Variants in OSBPL10 observed in about 807,000 individuals in gnomAD.
OSBPL10 encodes oxysterol binding protein like 10.
Under a neutral mutation model 81.7 loss-of-function variants are expected in OSBPL10, and 49 were observed. The observed-to-expected ratio is 0.60, with a 90% CI of 0.48 to 0.76. The LOEUF is 0.76. Ranked by LOEUF, OSBPL10 falls within the 30% of genes least tolerant of loss-of-function variation. The pLI, the probability that OSBPL10 is intolerant of heterozygous loss-of-function variation, is 0.00. For synonymous variants in OSBPL10, 419 were observed against 383.6 expected (o/e 1.09, Z -1.08); for missense variants, 923 against 987.8 (o/e 0.93, Z 0.88).
chr3:31,835,056 T>C (rs1178232470), intron 3 of OSBPL10, among the ~76,000 whole-genome samples: 3 of 152,220 alleles, frequency 2.0e-5, no homozygotes, highest in African/African-American at 7.2e-5. Context: ...AGCCTCATTA[T>C]AGGGGAATGG....
At chr3:31,925,822 GATAAAA>G (rs1444396013) in intron 1 of OSBPL10, among the ~76,000 whole-genome samples, 2 of 151,990 alleles carry the variant, frequency 1.3e-5, no homozygotes, top group East Asian at 1.9e-4. Flanking sequence ...CAAAAAAAAA[GATAAAA>G]ATAAAAATAA....
At chr3:31,935,864 T>C (rs911987161) in intron 1 of OSBPL10, among the ~76,000 whole-genome samples, 3 of 152,120 alleles carry the variant, frequency 2.0e-5, no homozygotes, top group Admixed American at 6.5e-5. Context: ...AGGAAATAGG[T>C]TGCGTTTAAG....
At chr3:32,014,620 A>C (rs1699296184) in intron 2 of OSBPL10, among the ~76,000 whole-genome samples, 1 of 152,222 alleles carries the variant, frequency 6.6e-6, no homozygotes, top group Non-Finnish European at 1.5e-5. Flanking sequence ...AAAAGGAAAT[A>C]AAGGGTATTC....
intron 2 of OSBPL10, among the ~76,000 whole-genome samples, chr3:32,017,479 ATGGTT>A (rs1310432329): frequency 6.6e-6 from 1 of 151,878 alleles, no homozygotes; most frequent in African/African-American, 2.4e-5. Flanking sequence ...CTTACCTAAT[ATGGTT>A]TGGCAAGTGG....
chr3:32,034,735 A>C (rs1012129263), intron 2 of OSBPL10, among the ~76,000 whole-genome samples: 10 of 152,248 alleles, frequency 6.6e-5, no homozygotes, highest in African/African-American at 1.9e-4. Context: ...ATATTGTATC[A>C]GCCAATATGT....
intron 1 of OSBPL10, among the ~76,000 whole-genome samples, chr3:31,954,168 A>G (rs1175023696): frequency 6.6e-6 from 1 of 152,240 alleles, no homozygotes; most frequent in East Asian, 1.9e-4. Context: ...CCTTCTGCAC[A>G]TGAATTCCCA....
chr3:31,804,231 C>T (rs768309240), intron 4 of OSBPL10, among the ~76,000 whole-genome samples: 25 of 152,094 alleles, frequency 1.6e-4, no homozygotes, highest in Non-Finnish European at 2.8e-4. Flanking sequence ...TATATCAACA[C>T]GAATCATGTA....
At chr3:31,972,505 G>A (rs78584982) in intron 1 of OSBPL10, among the ~76,000 whole-genome samples, 3,580 of 152,266 alleles carry the variant, frequency 0.024, 69 homozygotes, top group African/African-American at 0.056. Context: ...CAGCTCTGAC[G>A]GAGTGAGCAC....
intron 3 of OSBPL10, among the ~76,000 whole-genome samples, chr3:31,859,336 G>A (rs1701004874): frequency 6.6e-6 from 1 of 152,214 alleles, no homozygotes; most frequent in Admixed American, 6.5e-5. Flanking sequence ...GCTCTAGGAG[G>A]GTGACCGCCC....
intron 5 of OSBPL10, among the ~76,000 whole-genome samples, chr3:31,737,999 CAAA>C (rs750366140): frequency 3.1e-5 from 3 of 96,024 alleles, no homozygotes; most frequent in African/African-American, 6.7e-5. Context: ...GACTCTGTCT[CAAA>C]AAAAAAAAAA....
intron 7 of OSBPL10, among the ~76,000 whole-genome samples, chr3:31,686,552 T>G (rs1383285325): frequency 6.6e-6 from 1 of 152,196 alleles, no homozygotes. Context: ...CAGAACTGAG[T>G]GATTTTAACA....
intron 4 of OSBPL10, among the ~76,000 whole-genome samples, chr3:31,788,216 T>C (rs1698909012): frequency 6.6e-6 from 1 of 152,212 alleles, no homozygotes. Context: ...ATTAGTTTTC[T>C]AGAACTATCA....
chr3:31,792,269 G>T (rs1386091032), intron 4 of OSBPL10, among the ~76,000 whole-genome samples: 1 of 151,894 alleles, frequency 6.6e-6, no homozygotes, highest in African/African-American at 2.4e-5. Flanking sequence ...TAATAATCTG[G>T]CAAGTCAAAG....
rs1021958195 is a variant in OSBPL10 at position 31,843,778 on chromosome 3, T to C, written c.538-13547A>G. On this transcript the variant is annotated intron_variant, in intron 3 of 11. Transcript: ENST00000396556. Reference sequence around the variant, plus strand: ...CCAGACAAAGGACCAATCTAGACACTGCAAATAGAGCATATCTAATAATAA... The same window carrying C: ...CCAGACAAAGGACCAATCTAGACACCGCAAATAGAGCATATCTAATAATAA... Among the ~76,000 whole-genome samples the C allele has an allele frequency of 7.9e-5, 12 of 152,318 alleles. No individual in the cohort carries two copies. In the South Asian group the frequency reaches 1.9e-3, roughly 24 times the overall value.
chr3:31,876,670 C>G (rs1701481438), intron 2 of OSBPL10, among the ~76,000 whole-genome samples, 158 bp from the exon 3 acceptor site: 1 of 152,166 alleles, frequency 6.6e-6, no homozygotes, highest in South Asian at 2.1e-4. Context: ...CTCAAGCGGC[C>G]TGTACTTACA....
At chr3:31,969,999 C>G (rs1698510820) in intron 1 of OSBPL10, among the ~76,000 whole-genome samples, 1 of 152,088 alleles carries the variant, frequency 6.6e-6, no homozygotes. Flanking sequence ...TACCCTAAGC[C>G]AAAGCCCTCA....
chr3:31,680,154 A>G (rs1460126083), intron 8 of OSBPL10, among the ~76,000 whole-genome samples: 1 of 152,168 alleles, frequency 6.6e-6, no homozygotes, highest in Non-Finnish European at 1.5e-5. Flanking sequence ...CGGTGAGGAA[A>G]TACCTCTCGT....
chr3:31,766,908 C>T (rs1217667486), intron 4 of OSBPL10, among the ~76,000 whole-genome samples: 1 of 152,154 alleles, frequency 6.6e-6, no homozygotes, highest in African/African-American at 2.4e-5. Flanking sequence ...AAGCCCAGAA[C>T]ACCCCACCTC....
rs1395771382 is a variant in OSBPL10, at chr3:31,660,851, A to G, written c.*1221T>C. 1.3e-5 allele frequency: 2 copies of G among 152,710 alleles called. No individual in the cohort carries two copies. Among genetic ancestry groups the G allele is most frequent in the Admixed American group, 1.3e-4 (2 of 15,288 alleles). The allele number at this position is 152,710 out of a possible 1,614,324, so 9.5% of individuals were successfully genotyped here. A position where few individuals can be genotyped will look rare whatever the true frequency, so the allele number is the denominator to read the frequency against. ...GTATTCAATCGAAATATATTTGTCT[A>G]ATATCTACAAAGTGTGAACAACTGG... is the stretch of plus-strand genomic sequence containing the variant. On this transcript the variant is annotated 3_prime_UTR_variant, in exon 12 of 12. Transcript: ENST00000396556.
Sources: allele counts gnomAD v4.1 joint callset (sites outside exome capture counted in the v4.1 genomes callset), GRCh38; gene constraint gnomAD v4.1.1; transcripts MANE v1.5; gene names NCBI Gene and HGNC (gene_info 2026-07-23, HGNC 2026-07-21).